The following GPM6B variants were observed in gnomAD, a reference collection of about 807,000 sequenced individuals.
GPM6B encodes neuronal membrane glycoprotein M6-b.
Under a neutral mutation model 27.2 loss-of-function variants are expected in GPM6B, and 4 were observed. The observed-to-expected ratio is 0.15, with a 90% CI of 0.07 to 0.34. The LOEUF (loss-of-function observed/expected upper bound fraction) is 0.34. GPM6B is among the 10% of genes least tolerant of loss of function. The pLI, the probability that GPM6B is intolerant of heterozygous loss-of-function variation, is 1.00. For missense variants in GPM6B, 183 were observed against 261.9 expected (o/e 0.70, Z 2.08); for synonymous variants, 124 against 103.1 (o/e 1.20, Z -1.23).
At chrX:13,853,469 T>G (rs957267545) in intron 1 of GPM6B, among the ~76,000 whole-genome samples, 5 of 107,466 alleles carry the variant, frequency 4.7e-5, no homozygotes, top group African/African-American at 1.4e-4. Context: ...CCAGACGTAG[T>G]GGTGCATGCC....
chrX:13,865,563 G>C (rs12857422), intron 1 of GPM6B, among the ~76,000 whole-genome samples: 2 of 45,063 alleles, frequency 4.4e-5, no homozygotes, highest in Non-Finnish European at 7.9e-5. Context: ...AAAAAAAAAA[G>C]AAAGAAAGAA....
At chrX:13,858,718 A>T (rs1465730081) in intron 1 of GPM6B, among the ~76,000 whole-genome samples, 3 of 111,774 alleles carry the variant, frequency 2.7e-5, no homozygotes, top group African/African-American at 9.8e-5. Flanking sequence ...TTTCTGTCAG[A>T]GGCCTTCCCT....
chrX:13,923,132 C>T (rs7884063), intron 1 of GPM6B, among the ~76,000 whole-genome samples: 1,848 of 110,089 alleles, frequency 0.017, 44 homozygotes, highest in African/African-American at 0.058. Context: ...GCTGAGATCA[C>T]GCCATTGCAC....
At chrX:13,840,253 C>T (rs914126535) in intron 1 of GPM6B, among the ~76,000 whole-genome samples, 1 of 111,470 alleles carries the variant, frequency 9.0e-6, no homozygotes, top group Non-Finnish European at 1.9e-5. Flanking sequence ...CAGCATGCCA[C>T]CAACCCTCCA....
chrX:13,811,386 T>C (rs1387524695), intron 1 of GPM6B, among the ~76,000 whole-genome samples: 4 of 112,800 alleles, frequency 3.5e-5, no homozygotes, highest in Non-Finnish European at 7.5e-5. Context: ...CGGAAGCAAC[T>C]AAGTGACAAA....
chrX:13,916,643 G>T (rs2050431196), intron 1 of GPM6B, among the ~76,000 whole-genome samples: 1 of 99,977 alleles, frequency 1.0e-5, no homozygotes, highest in Non-Finnish European at 2.0e-5. Flanking sequence ...TGTTTGAAAA[G>T]AACATGTATT....
chrX:13,830,449 C>A (rs1007135732), intron 1 of GPM6B, among the ~76,000 whole-genome samples: 2 of 112,143 alleles, frequency 1.8e-5, no homozygotes, highest in Non-Finnish European at 3.8e-5. Context: ...ATAGGGCAAC[C>A]GAGTTCCTTT....
intron 1 of GPM6B, among the ~76,000 whole-genome samples, chrX:13,860,432 C>T (rs1016806362): frequency 9.8e-5 from 9 of 91,683 alleles, no homozygotes; most frequent in Admixed American, 7.1e-4. Flanking sequence ...AATCCCAAAA[C>T]GTGGGGTTTT....
chrX:13,823,842 G>A (rs2049340274), intron 1 of GPM6B, among the ~76,000 whole-genome samples: 1 of 112,203 alleles, frequency 8.9e-6, no homozygotes, highest in Non-Finnish European at 1.9e-5. Context: ...TTTTCAAAAG[G>A]AGAGCAAGAG....
intron 1 of GPM6B, among the ~76,000 whole-genome samples, chrX:13,917,758 C>T (rs779539427): frequency 8.9e-6 from 1 of 112,192 alleles, no homozygotes; most frequent in Non-Finnish European, 1.9e-5. Flanking sequence ...ATTATAGTTA[C>T]TCATATCATT....
intron 1 of GPM6B, among the ~76,000 whole-genome samples, chrX:13,842,030 C>A (rs529344537): frequency 3.6e-5 from 4 of 111,899 alleles, no homozygotes; most frequent in African/African-American, 9.8e-5. Flanking sequence ...GGTCTATGTC[C>A]CCCCAATTTA....
chrX:13,859,453 C>G (rs1284845438), intron 1 of GPM6B, among the ~76,000 whole-genome samples: 2 of 111,129 alleles, frequency 1.8e-5, no homozygotes, highest in Admixed American at 1.9e-4. Context: ...TACCACAATT[C>G]TTTTTTAAAT....
At chrX:13,848,206 C>T (rs1046411156) in intron 1 of GPM6B, among the ~76,000 whole-genome samples, 1 of 111,883 alleles carries the variant, frequency 8.9e-6, no homozygotes, top group African/African-American at 3.3e-5. Flanking sequence ...ATCCTTTGTC[C>T]AGCCAACCTT....
At chrX:13,786,232 G>T (rs1257792504) in intron 2 of GPM6B, among the ~76,000 whole-genome samples, 1 of 112,503 alleles carries the variant, frequency 8.9e-6, no homozygotes, top group Non-Finnish European at 1.9e-5. Context: ...AAAAGCAACA[G>T]TCAGGTCGTC....
intron 2 of GPM6B, among the ~76,000 whole-genome samples, chrX:13,790,889 A>T (rs1010731156): frequency 5.4e-5 from 6 of 111,686 alleles, no homozygotes; most frequent in Non-Finnish European, 1.1e-4. Context: ...ACCACCCCCT[A>T]AAGTGCTGGG....
intron 1 of GPM6B, among the ~76,000 whole-genome samples, chrX:13,859,689 C>A (rs1429914634): frequency 2.7e-5 from 3 of 111,015 alleles, no homozygotes; most frequent in African/African-American, 9.8e-5. Context: ...TGAAGTTGCA[C>A]AAGTTTATAC....
At chrX:13,917,134 C>T (rs1052289314) in intron 1 of GPM6B, among the ~76,000 whole-genome samples, 2 of 111,358 alleles carry the variant, frequency 1.8e-5, no homozygotes, top group East Asian at 5.6e-4. Context: ...ATCGCTTGAG[C>T]CCAGGAGGCC....
chrX:13,858,475 G>A (rs759225152), intron 1 of GPM6B, among the ~76,000 whole-genome samples: 1 of 111,488 alleles, frequency 9.0e-6, no homozygotes, highest in African/African-American at 3.3e-5. Context: ...TAAATGAAAC[G>A]TCACTAAACT....
intron 1 of GPM6B, chrX:13,938,298 C>T: frequency 3.6e-6 from 1 of 274,204 alleles, no homozygotes; most frequent in Non-Finnish European, 6.4e-6. Context: ...GGGACCACCC[C>T]CCCCACAGGA....
Sources: allele counts gnomAD v4.1 joint callset (sites outside exome capture counted in the v4.1 genomes callset), GRCh38; gene constraint gnomAD v4.1.1; transcripts MANE v1.5; gene names NCBI Gene and HGNC (gene_info 2026-07-23, HGNC 2026-07-21).